Variants in LRP1B observed in about 807,000 individuals in gnomAD.
The protein encoded by LRP1B is low-density lipoprotein receptor-related protein 1B.
A neutral mutation model predicts 556.6 loss-of-function variants in LRP1B; 217 were observed. The observed-to-expected ratio is 0.39, with a 90% CI of 0.35 to 0.44. The LOEUF is 0.44. LRP1B is among the 20% of genes least tolerant of loss of function. The pLI, the probability that LRP1B is intolerant of heterozygous loss-of-function variation, is 1.00. For synonymous variants in LRP1B, 2,047 were observed against 1,865.8 expected (o/e 1.10, Z -2.50); for missense variants, 5,053 against 5,620.8 (o/e 0.90, Z 3.23).
intron 2 of LRP1B, among the ~76,000 whole-genome samples, chr2:141,720,419 C>T (rs1692770220): frequency 6.6e-6 from 1 of 151,986 alleles, no homozygotes; most frequent in Non-Finnish European, 1.5e-5. Context: ...CTTTTGCTGG[C>T]AATTTTAAGT....
chr2:141,631,822 T>G (rs1688921499), intron 2 of LRP1B, among the ~76,000 whole-genome samples: 1 of 152,214 alleles, frequency 6.6e-6, no homozygotes, highest in Non-Finnish European at 1.5e-5. Context: ...ATTAGATCTT[T>G]AAACTAAATT....
In LRP1B at chr2:140,358,024, G is replaced by A. The variant is rs2105134967; in HGVS notation, c.11350C>T (p.Leu3784Phe). 6.2e-7 allele frequency: 1 copy of A among 1,611,482 alleles called. No individual in the cohort carries two copies. Among genetic ancestry groups the A allele is most frequent in the Non-Finnish European group, 8.5e-7 (1 of 1,178,328 alleles). Reference sequence around the variant, plus strand: ...TCTGAACCATCTCCGCAGTCATCAAGTCGATCACACTGGAGATCCATAGGG... The same window carrying A: ...TCTGAACCATCTCCGCAGTCATCAAATCGATCACACTGGAGATCCATAGGG... ...CIPMDLQCDR[L>F]DDCGDGSDEQ... Residue 3784 changes from leucine (L) to phenylalanine (F), a missense_variant, in exon 74 of 91, where the codon CTT (leucine) becomes TTT (phenylalanine). Physicochemically the swap from Leu to Phe is conservative, Grantham distance 22. This residue lies in a region of LRP1B where 599 missense variants were observed against 648.4 expected (regional missense o/e 0.92). Transcript: ENST00000389484.
chr2:141,008,186 AAAGGTC>A (rs1428959349), intron 14 of LRP1B, among the ~76,000 whole-genome samples: 13 of 151,516 alleles, frequency 8.6e-5, no homozygotes, highest in African/African-American at 2.6e-4. Flanking sequence ...ATATCAATTA[AAAGGTC>A]ATTAACATAT....
At chr2:141,222,677 T>C (rs1185588868) in intron 6 of LRP1B, among the ~76,000 whole-genome samples, 2 of 152,170 alleles carry the variant, frequency 1.3e-5, no homozygotes, top group South Asian at 2.1e-4. Flanking sequence ...CAAAAGTTTA[T>C]CTACCACAAT....
intron 2 of LRP1B, among the ~76,000 whole-genome samples, chr2:141,517,262 G>GACACACATACACACACA (rs1684357231): frequency 6.7e-6 from 1 of 149,832 alleles, no homozygotes; most frequent in African/African-American, 2.5e-5. Flanking sequence ...ACAAGAATAC[G>GACACACATACACACACA]CACACACACA....
chr2:140,686,381 T>A (rs1397281420), intron 41 of LRP1B, among the ~76,000 whole-genome samples: 2 of 152,110 alleles, frequency 1.3e-5, no homozygotes, highest in Non-Finnish European at 2.9e-5. Flanking sequence ...CTAGCAATCA[T>A]TCAGTAATAA....
chr2:140,639,058 T>C (rs557465945), intron 41 of LRP1B, among the ~76,000 whole-genome samples: 6 of 152,278 alleles, frequency 3.9e-5, no homozygotes, highest in African/African-American at 1.2e-4. Context: ...AAACATGTCA[T>C]AAACTCTTTG....
chr2:140,415,858 T>C (rs1230524634), intron 66 of LRP1B, among the ~76,000 whole-genome samples: 2 of 152,122 alleles, frequency 1.3e-5, no homozygotes, highest in Admixed American at 6.5e-5. Context: ...GAAATGATGA[T>C]AGTTGGTCTT....
chr2:141,226,484 T>C (rs1683254882), intron 6 of LRP1B, among the ~76,000 whole-genome samples: 1 of 152,144 alleles, frequency 6.6e-6, no homozygotes, highest in African/African-American at 2.4e-5. Context: ...ACCTGCAATG[T>C]TTTTCTTCTC....
Position 141,019,937 on chromosome 2 carries a change from A to T in LRP1B, c.1955T>A (p.Val652Glu). 1 of 1,598,690 alleles carries T rather than the reference A, an allele frequency of 6.3e-7. No individual in the cohort carries two copies. Among genetic ancestry groups the T allele is most frequent in the Non-Finnish European group, 8.5e-7 (1 of 1,171,982 alleles). ...TATTGCATACCCATTAACTGGATCC[A>T]CCACAATTCCTCTGGGATGAGACAT... ...GEMSHPRGIV[V>E]DPVNGWMYWT... The change falls in exon 12 of 91, where the codon GTG becomes GAG. Residue 652 changes from valine to glutamate, a missense_variant. By Grantham distance (121) the Val-to-Glu change is moderately radical (BLOSUM62 -2). Transcript: ENST00000389484.
chr2:141,539,976 T>G (rs1370075510), intron 2 of LRP1B, among the ~76,000 whole-genome samples: 1 of 152,056 alleles, frequency 6.6e-6, no homozygotes, highest in Non-Finnish European at 1.5e-5. Flanking sequence ...ACCCAGACAA[T>G]GTATGTTACT....
intron 1 of LRP1B, among the ~76,000 whole-genome samples, chr2:142,045,588 C>A (rs1289250551): frequency 6.6e-6 from 1 of 151,812 alleles, no homozygotes; most frequent in African/African-American, 2.4e-5. Flanking sequence ...ACATAAGGAA[C>A]AATTTTACAT....
At chr2:140,604,637 C>A (rs1375569045) in intron 41 of LRP1B, among the ~76,000 whole-genome samples, 1 of 152,076 alleles carries the variant, frequency 6.6e-6, no homozygotes, top group Non-Finnish European at 1.5e-5. Context: ...TAGGGAGTCA[C>A]GTCCATTAAA....
intron 18 of LRP1B, among the ~76,000 whole-genome samples, chr2:140,964,999 T>C (rs774695379): frequency 2.0e-5 from 3 of 152,062 alleles, no homozygotes; most frequent in African/African-American, 4.8e-5. Flanking sequence ...AGGGATATAA[T>C]AGAGAGATAT....
chr2:141,175,208 C>T (rs1271350851), intron 7 of LRP1B, among the ~76,000 whole-genome samples: 1 of 152,136 alleles, frequency 6.6e-6, no homozygotes, highest in Non-Finnish European at 1.5e-5. Context: ...GAAAAATTTA[C>T]AGCCTGGGCA....
intron 2 of LRP1B, among the ~76,000 whole-genome samples, chr2:141,569,011 G>A (rs528670347): frequency 7.3e-5 from 11 of 150,284 alleles, no homozygotes; most frequent in Non-Finnish European, 1.5e-4. Context: ...CAGGTGATCT[G>A]CCTGCCTTAG....
intron 23 of LRP1B, among the ~76,000 whole-genome samples, chr2:140,892,576 T>C (rs1693829497): frequency 6.6e-6 from 1 of 152,158 alleles, no homozygotes; most frequent in South Asian, 2.1e-4. Context: ...TAGTGAACTG[T>C]TGGTATAGAT....
At chr2:141,912,648 A>T (rs874529) in intron 1 of LRP1B, among the ~76,000 whole-genome samples, 130,501 of 152,082 alleles carry the variant, frequency 0.86, 56,169 homozygotes, top group East Asian at 1. Flanking sequence ...CTATTTTGAG[A>T]GAAAAACACC....
At chr2:140,567,506 C>G (rs1270454643) in intron 43 of LRP1B, among the ~76,000 whole-genome samples, 4 of 152,196 alleles carry the variant, frequency 2.6e-5, no homozygotes, top group Admixed American at 1.3e-4. Flanking sequence ...ACAGCTACAT[C>G]CTGACCCACT....
Sources: gnomAD v4.1 joint callset for allele counts (sites outside exome capture counted in the v4.1 genomes callset) on GRCh38, gnomAD v4.1.1 for gene constraint, gnomAD v4.1.1 regional missense constraint, MANE v1.5 for transcripts, NCBI Gene and HGNC (gene_info 2026-07-23, HGNC 2026-07-21) for gene names.